The following MED16 variants were observed in gnomAD, a reference collection of about 807,000 sequenced individuals.
MED16 encodes the protein mediator complex subunit 16, also known as mediator of RNA polymerase II transcription subunit 16.
Under a neutral mutation model 84.4 loss-of-function variants are expected in MED16, and 81 were observed. The observed-to-expected ratio is 0.96, with a 90% confidence interval of 0.80 to 1.15. The LOEUF (loss-of-function observed/expected upper bound fraction) is 1.15, where lower values mean the gene tolerates loss of function less well. Among genes scored for constraint, MED16 ranks in the 50% most tolerant of loss-of-function variants. The pLI, the probability that MED16 is intolerant of heterozygous loss-of-function variation, is 0.00. For missense variants in MED16, 1,585 were observed against 1,245.9 expected, an observed-to-expected ratio of 1.27 and a Z score of -4.10; for synonymous variants, 897 against 552.2, an observed-to-expected ratio of 1.62 and a Z score of -8.76.
intron 5 of MED16, 55 bp downstream of exon 5, chr19:885,715 A>G (rs2036511530): frequency 6.4e-7 from 1 of 1,573,994 alleles, no homozygotes; most frequent in South Asian, 1.1e-5. Context: ...GGACCCTGAG[A>G]AGCAGTGCTT....
chr19:890,304 G>C, intron 2 of MED16, 60 bp from the exon 3 acceptor site: 2 of 1,225,714 alleles, frequency 1.6e-6, no homozygotes. Flanking sequence ...CGATGACGAT[G>C]ACTCCAGGCA....
At chr19:870,141 T>C (rs1465986506) in intron 13 of MED16, among the ~76,000 whole-genome samples, 2 of 152,146 alleles carry the variant, frequency 1.3e-5, no homozygotes, top group African/African-American at 2.4e-5. Flanking sequence ...CTGGGCCATA[T>C]GCTAAGGCGT....
At chr19:883,629 G>A (rs1015487470) in intron 6 of MED16, among the ~76,000 whole-genome samples, 6 of 152,168 alleles carry the variant, frequency 3.9e-5, no homozygotes, top group Non-Finnish European at 4.4e-5. Context: ...AGCTGGGCCA[G>A]CAGGTGAGGA....
intron 1 of MED16, among the ~76,000 whole-genome samples, chr19:891,995 GC>G (rs2036646508): frequency 6.9e-6 from 1 of 145,420 alleles, no homozygotes; most frequent in Non-Finnish European, 1.5e-5. Flanking sequence ...CCGAGGCGGG[GC>G]TGAGTGTGAC....
rs751794796 is a variant in MED16 at position 880,028 on chromosome 19, C to T, written c.1262G>A (p.Arg421His). Residue 421 changes from arginine (R) to histidine (H), a missense_variant, in exon 8 of 16, where the codon CGC becomes CAC. Arg to His is a conservative substitution (Grantham distance 29). Transcript: ENST00000325464. Reference sequence around the variant, plus strand: ...GACGGCGGGGCCCGCGGTGCGGGGGCGCTTCATGGCCGGCTCATCCACAGG... The same window carrying T: ...GACGGCGGGGCCCGCGGTGCGGGGGTGCTTCATGGCCGGCTCATCCACAGG... ...PRPVDEPAMK[R>H]PRTAGPAVHL... The T allele has an allele frequency of 3.7e-6, 6 of 1,610,688 alleles. No individual in the cohort carries two copies. The highest frequency in any genetic ancestry group is 2.7e-5 in the African/African-American group (2 of 75,034).
intron 8 of MED16, 128 bp from the exon 9 acceptor site, chr19:877,308 G>A: frequency 1.2e-6 from 1 of 805,388 alleles, no homozygotes; most frequent in Non-Finnish European, 2.0e-6. Flanking sequence ...GTGTGGGCCT[G>A]TGTGCGCGCA....
intron 13 of MED16, among the ~76,000 whole-genome samples, chr19:870,238 T>C (rs556138490): frequency 2.3e-4 from 35 of 152,216 alleles, no homozygotes; most frequent in African/African-American, 8.2e-4. Flanking sequence ...CAGGGCGCCC[T>C]GTACAGCGAG....
intron 15 of MED16, 27 bp downstream of exon 15, chr19:868,389 G>C (rs760359642): frequency 3.1e-6 from 5 of 1,606,348 alleles, no homozygotes; most frequent in Admixed American, 1.7e-5. Flanking sequence ...GTAGCTGAGG[G>C]GCACCCGCCA....
At chr19:883,863 G>A (rs1010659500) in intron 6 of MED16, among the ~76,000 whole-genome samples, 2 of 152,084 alleles carry the variant, frequency 1.3e-5, no homozygotes, top group Non-Finnish European at 2.9e-5. Flanking sequence ...GGCCCAACAA[G>A]GCCCTGGGGA....
chr19:877,954 AGCCCCAGCCCCAGCCCCAGCCCCACGT>A (rs2036297386), intron 8 of MED16, among the ~76,000 whole-genome samples: 2 of 38,936 alleles, frequency 5.1e-5, no homozygotes. Context: ...AATGCCCACC[AGCCCCAGCCCCAGCCCCAGCCCCACGT>A]GCCCCAGCAG....
At chr19:881,798 G>A (rs994433953) in intron 6 of MED16, 84 bp from the exon 7 acceptor site, 26 of 1,502,380 alleles carry the variant, frequency 1.7e-5, no homozygotes, top group Non-Finnish European at 2.3e-5. Flanking sequence ...ATGGCCTGGT[G>A]TGCAACCTGC....
chr19:880,201 CG>C, intron 7 of MED16, 53 bp from the exon 8 acceptor site: 2 of 1,503,108 alleles, frequency 1.3e-6, no homozygotes, highest in Non-Finnish European at 1.8e-6. Flanking sequence ...ACACGCCCGC[CG>C]GGGGAGGGGC....
At chr19:868,636 G>C (rs578019444) in intron 14 of MED16, 137 bp from the exon 15 acceptor site, 2 of 1,259,038 alleles carry the variant, frequency 1.6e-6, no homozygotes, top group East Asian at 2.5e-5. Flanking sequence ...ACCTGCCACA[G>C]GGCCTCTGCC....
intron 13 of MED16, among the ~76,000 whole-genome samples, chr19:870,042 C>T (rs2036008322): frequency 6.6e-6 from 1 of 152,220 alleles, no homozygotes; most frequent in Non-Finnish European, 1.5e-5. Context: ...AAACCCCGCA[C>T]ATTCCAGAGA....
Position 871,961 on chromosome 19 carries a change from A to T in MED16, c.2063T>A (p.Leu688Gln), listed in dbSNP as rs1599317783. 1 of 1,600,908 alleles carries T rather than the reference A, an allele frequency of 6.2e-7. No individual in the cohort carries two copies. Among genetic ancestry groups the T allele is most frequent in the East Asian group, 2.3e-5 (1 of 44,198 alleles). The change falls in exon 12 of 16, where the codon CTG becomes CAG. Residue 688 changes from leucine to glutamine, a missense_variant. Leu to Gln is a moderately radical substitution (Grantham distance 113). Coordinates refer to ENST00000325464, the MANE Select transcript of MED16 (RefSeq NM_005481.3). ...GAGCTTGGTGAGCAGGCGGAAGAGC[A>T]GGGACATGCTGTCCTGGGTATCCGA... ...ATSDTQDSMS[L>Q]LFRLLTKLWI... is the part of the protein sequence containing the mutation.
At chr19:876,278 G>A (rs535562922) in intron 9 of MED16, among the ~76,000 whole-genome samples, 1 of 152,120 alleles carries the variant, frequency 6.6e-6, no homozygotes, top group African/African-American at 2.4e-5. Context: ...TGGGATTGCA[G>A]GCACATAACC....
At chr19:885,445 G>A (rs1453364379) in intron 5 of MED16, among the ~76,000 whole-genome samples, 1 of 152,078 alleles carries the variant, frequency 6.6e-6, no homozygotes, top group Non-Finnish European at 1.5e-5. Flanking sequence ...TGAGACGGGA[G>A]AGCACGTTGG....
chr19:873,643 G>A, intron 10 of MED16, 61 bp from the exon 11 acceptor site: 2 of 1,588,226 alleles, frequency 1.3e-6, no homozygotes, highest in Non-Finnish European at 1.7e-6. Flanking sequence ...TGACCTAACT[G>A]CACCCCTCGG....
chr19:871,288 T>G, intron 12 of MED16, 35 bp from the exon 13 acceptor site: 4 of 1,513,048 alleles, frequency 2.6e-6, no homozygotes, highest in Non-Finnish European at 3.6e-6. Context: ...TCAGCACCCC[T>G]GACTGGGGCA....
Sources: allele counts gnomAD v4.1 joint callset (sites outside exome capture counted in the v4.1 genomes callset), GRCh38; gene constraint gnomAD v4.1.1; transcripts MANE v1.5; gene names NCBI Gene and HGNC (gene_info 2026-07-23, HGNC 2026-07-21).